The following LAMB4 variants were observed in gnomAD, a reference collection of about 807,000 sequenced individuals.
The protein encoded by LAMB4 is laminin subunit beta-4.
A neutral mutation model predicts 199.2 loss-of-function variants in LAMB4; 196 were observed. The ratio of observed to expected loss-of-function variants is 0.98; its 90% CI spans 0.88 to 1.11. The LOEUF (loss-of-function observed/expected upper bound fraction) is 1.11, where lower values mean the gene tolerates loss of function less well. Ranked by LOEUF, LAMB4 falls within the 50% of genes least tolerant of loss-of-function variation. The pLI, the probability that LAMB4 is intolerant of heterozygous loss-of-function variation, is 0.00. For missense variants in LAMB4, 2,080 were observed against 2,171.2 expected, an observed-to-expected ratio of 0.96 and a Z score of 0.83; for synonymous variants, 744 against 770.6, an observed-to-expected ratio of 0.97 and a Z score of 0.57.
intron 1 of LAMB4, among the ~76,000 whole-genome samples, chr7:108,127,193 T>C (rs2038824488): frequency 1.8e-5 from 2 of 108,682 alleles, no homozygotes; most frequent in African/African-American, 6.6e-5. Context: ...TTTTGTGTTT[T>C]TTTTTTTTTT....
At chr7:108,068,905 C>T (rs777526829) in intron 18 of LAMB4, among the ~76,000 whole-genome samples, 3 of 151,600 alleles carry the variant, frequency 2.0e-5, no homozygotes, top group Non-Finnish European at 4.4e-5. Context: ...AGGCTGGTCT[C>T]GAACTCCTGA....
chr7:108,014,889 A>C, the LAMB4 span, among the ~76,000 whole-genome samples: 2 of 152,112 alleles, frequency 1.3e-5, no homozygotes, highest in African/African-American at 2.4e-5. Context: ...CACCTGGCTA[A>C]TTGTTGTATT....
intron 14 of LAMB4, among the ~76,000 whole-genome samples, chr7:108,090,541 T>TAC (rs1346665245): frequency 6.6e-6 from 1 of 152,130 alleles, no homozygotes; most frequent in Non-Finnish European, 1.5e-5. Flanking sequence ...ATGCTTTACT[T>TAC]ACAACCCCTG....
At chr7:108,083,161 A>G (rs1047286571) in intron 14 of LAMB4, among the ~76,000 whole-genome samples, 1 of 152,204 alleles carries the variant, frequency 6.6e-6, no homozygotes, top group Non-Finnish European at 1.5e-5. Flanking sequence ...TTTTCCAACA[A>G]GGGCAAGTGG....
At chr7:108,119,692 C>G (rs1401297087) in intron 2 of LAMB4, among the ~76,000 whole-genome samples, 1 of 152,082 alleles carries the variant, frequency 6.6e-6, no homozygotes, top group African/African-American at 2.4e-5. Context: ...TGTATCTTGA[C>G]TGTGGTGATG....
At chr7:108,114,126 G>A (rs1034602224) in intron 3 of LAMB4, among the ~76,000 whole-genome samples, 8 of 152,118 alleles carry the variant, frequency 5.3e-5, no homozygotes, top group African/African-American at 1.9e-4. Flanking sequence ...GAACAAGATG[G>A]CTGGCGCTCA....
Position 108,128,709 on chromosome 7 carries a change from TGTG to T in LAMB4, c.-34+1594_-34+1596del, listed in dbSNP as rs144657642. Reference sequence around the variant, plus strand: ...GCACATACAGCGCAATATCAGAAAATGTGGTAACCCTGTGCATGCCTTCCTTCG... The same window carrying T: ...GCACATACAGCGCAATATCAGAAAATGTAACCCTGTGCATGCCTTCCTTCG... On this transcript the variant is annotated intron_variant, in intron 1 of 33. Transcript: ENST00000388781. 3.6e-3 allele frequency among the ~76,000 whole-genome samples: 550 copies of T among 152,276 alleles called. 3 individuals are homozygous for T. The highest frequency in any genetic ancestry group is 0.012 in the African/African-American group (483 of 41,564).
chr7:108,044,005 T>G, intron 28 of LAMB4, 109 bp from the exon 29 acceptor site: 1 of 870,210 alleles, frequency 1.1e-6, no homozygotes, highest in Non-Finnish European at 1.7e-6. Context: ...CACTAAAAAC[T>G]AAATAAAAGT....
At position 108,105,878 on chromosome 7, in the gene LAMB4, T is replaced by G; in HGVS notation, c.809A>C (p.His270Pro). ...IVRGSCFCNG[H>P]ASECRPMQKM... ...CTGCATAGGGCGACATTCGCTAGCA[T>G]GGCCATTGCAAAAGCAGCTTCCCCG... Residue 270 changes from histidine to proline, a missense_variant, in exon 8 of 34, where the codon CAT (histidine) becomes CCT (proline). His to Pro is a moderately conservative substitution (Grantham distance 77). Coordinates refer to ENST00000388781, the MANE Select transcript of LAMB4 (RefSeq NM_007356.3). 1 of 1,614,232 alleles carries G rather than the reference T, an allele frequency of 6.2e-7. No homozygotes were observed. The highest frequency in any genetic ancestry group is 8.5e-7 in the Non-Finnish European group (1 of 1,180,044).
intron 31 of LAMB4, among the ~76,000 whole-genome samples, chr7:108,031,926 G>T (rs1366288658): frequency 6.6e-6 from 1 of 152,092 alleles, no homozygotes; most frequent in Non-Finnish European, 1.5e-5. Context: ...TTCAAATATA[G>T]CTGGTTGTTA....
intron 32 of LAMB4, among the ~76,000 whole-genome samples, 197 bp downstream of exon 32, chr7:108,030,609 A>G (rs778679032): frequency 1.3e-5 from 2 of 152,234 alleles, no homozygotes; most frequent in Non-Finnish European, 2.9e-5. Context: ...ACACTCCAAC[A>G]TGATTTGGCC....
rs76425050 is a variant in LAMB4, at chr7:108,060,950, T to C, written c.3282+1824A>G. 2.5e-3 allele frequency among the ~76,000 whole-genome samples: 381 copies of C among 152,314 alleles called. 5 individuals carry two copies. Among genetic ancestry groups the C allele is most frequent in the African/African-American group, 8.7e-3 (361 of 41,554 alleles). On this transcript the variant is annotated intron_variant, in intron 23 of 33. Transcript: ENST00000388781. Reference sequence around the variant, plus strand: ...AGGAGGAAAAAGAGTAACTTGATGATATAACAGTCTGACAAACACTGCTTC... The same window carrying C: ...AGGAGGAAAAAGAGTAACTTGATGACATAACAGTCTGACAAACACTGCTTC...
chr7:108,126,847 C>A lies in LAMB4; in HGVS notation c.-34+3459G>T, dbSNP rs112047870. ...CCTCCCAAAGTGCTGGGATTACAGG[C>A]GTGAGCCACCGCGCCCGGCCTTCTT... On this transcript the variant is annotated intron_variant, in intron 1 of 33. Transcript: ENST00000388781. Among the ~76,000 whole-genome samples, 438 of 152,124 alleles carry A rather than the reference C, an allele frequency of 2.9e-3. 3 individuals are homozygous for A. Among genetic ancestry groups the A allele is most frequent in the African/African-American group, 0.01 (424 of 41,478 alleles).
intron 28 of LAMB4, among the ~76,000 whole-genome samples, chr7:108,046,303 C>T (rs1001967879): frequency 1.4e-4 from 20 of 148,002 alleles, no homozygotes; most frequent in African/African-American, 4.0e-4. Context: ...GTTGGCCAGG[C>T]TGGTCTCGAA....
At chr7:108,076,813 C>T (rs1219967561) in intron 17 of LAMB4, 131 bp downstream of exon 17, 3 of 916,706 alleles carry the variant, frequency 3.3e-6, no homozygotes, top group South Asian at 1.6e-5. Context: ...TTTGCAGATG[C>T]TATTAGGTGG....
downstream of LAMB4, among the ~76,000 whole-genome samples, chr7:108,022,359 T>G (rs746566317): frequency 1.3e-5 from 2 of 152,214 alleles, no homozygotes; most frequent in East Asian, 3.8e-4. Flanking sequence ...TTTCCCTCCA[T>G]CTTTAAGATT....
intron 25 of LAMB4, among the ~76,000 whole-genome samples, chr7:108,054,312 C>T (rs560700959): frequency 2.6e-5 from 4 of 152,298 alleles, no homozygotes; most frequent in Non-Finnish European, 4.4e-5. Flanking sequence ...TTTGTCCTCC[C>T]TGGGCCCTGT....
chr7:108,050,258 G>T (rs555574302), intron 26 of LAMB4, among the ~76,000 whole-genome samples: 1 of 152,174 alleles, frequency 6.6e-6, no homozygotes, highest in Non-Finnish European at 1.5e-5. Flanking sequence ...TGCTTTGTAG[G>T]TGCCTGTACT....
intron 10 of LAMB4, among the ~76,000 whole-genome samples, chr7:108,102,602 A>G (rs2037852673): frequency 6.6e-6 from 1 of 152,212 alleles, no homozygotes; most frequent in South Asian, 2.1e-4. Context: ...ATTATTTTGT[A>G]CATGCTTGAA....
Sources: gnomAD v4.1 joint callset for allele counts (sites outside exome capture counted in the v4.1 genomes callset) on GRCh38, gnomAD v4.1.1 for gene constraint, MANE v1.5 for transcripts, NCBI Gene and HGNC (gene_info 2026-07-23, HGNC 2026-07-21) for gene names.